Variants in LIPJ observed in about 807,000 individuals in gnomAD.
LIPJ encodes lipase family member J.
Under a neutral mutation model 39.8 loss-of-function variants are expected in LIPJ, and 33 were observed. That is an observed-to-expected ratio of 0.83 (90% CI 0.63 to 1.11). LIPJ has a LOEUF of 1.11. LIPJ is among the 50% of genes least tolerant of loss of function. The probability of loss-of-function intolerance (pLI) is 0.00; values close to 1 mark genes in which losing one functional copy is unlikely to be tolerated. For missense variants in LIPJ, 422 were observed against 427.9 expected (o/e 0.99, Z 0.12); for synonymous variants, 128 against 139.2 (o/e 0.92, Z 0.57).
chr10:88,622,593 G>C, the LIPJ span, among the ~76,000 whole-genome samples: 1 of 152,242 alleles, frequency 6.6e-6, no homozygotes, highest in South Asian at 2.1e-4. Flanking sequence ...CTGACCCAGG[G>C]ACCAGACTTT....
At chr10:88,610,741 C>T (rs184008243), downstream of LIPJ, among the ~76,000 whole-genome samples, 3 of 152,288 alleles carry the variant, frequency 2.0e-5, no homozygotes, top group Admixed American at 2.0e-4. Flanking sequence ...CCTATGTAGT[C>T]AGTTGATCTT....
At chr10:88,600,815 GA>G (rs1454120700) in intron 8 of LIPJ, among the ~76,000 whole-genome samples, 2 of 152,314 alleles carry the variant, frequency 1.3e-5, no homozygotes, top group East Asian at 3.9e-4. Flanking sequence ...TGGAGGCTGG[GA>G]AGTCCAAGAT....
At chr10:88,619,122 T>C in the LIPJ span, among the ~76,000 whole-genome samples, 1 of 151,380 alleles carries the variant, frequency 6.6e-6, no homozygotes, top group Non-Finnish European at 1.5e-5. Context: ...CATATATTAA[T>C]GATATAACCC....
intron 4 of LIPJ, chr10:88,592,109 A>C (rs1303244658): frequency 6.6e-6 from 1 of 151,950 alleles, no homozygotes; most frequent in Non-Finnish European, 1.5e-5. Flanking sequence ...TTCCTGAAAG[A>C]ATGTTTCTTT....
chr10:88,592,078 G>A (rs1223237940), intron 4 of LIPJ: 1 of 151,798 alleles, frequency 6.6e-6, no homozygotes, highest in African/African-American at 2.4e-5. Flanking sequence ...TAAAAGCCAA[G>A]TATTTTCTCC....
At chr10:88,586,235 C>A (rs1484868806), upstream of LIPJ, among the ~76,000 whole-genome samples, 2 of 152,130 alleles carry the variant, frequency 1.3e-5, no homozygotes, top group Admixed American at 6.5e-5. Context: ...CATTACGCCC[C>A]AACCTCCATG....
At chr10:88,606,678 C>G in exon 11 of LIPJ, 1 of 1,592,826 alleles carries the variant, frequency 6.3e-7, no homozygotes, top group Non-Finnish European at 8.6e-7. Flanking sequence ...TTTCAGACAA[C>G]GTCTCCATTA....
At chr10:88,618,560 C>T in the LIPJ span, 1 of 152,458 alleles carries the variant, frequency 6.6e-6, no homozygotes, top group South Asian at 2.1e-4. Flanking sequence ...AAAGCCTCAG[C>T]ATATTCATTG....
At chr10:88,609,338 G>T (rs896694219), downstream of LIPJ, among the ~76,000 whole-genome samples, 1 of 152,186 alleles carries the variant, frequency 6.6e-6, no homozygotes, top group Non-Finnish European at 1.5e-5. Context: ...ATAGTACTGA[G>T]AATAGATACA....
rs754958051 is a variant in LIPJ, at chr10:88,590,645, T to C, written c.-43T>C. ...TTATCCGAATTCTTGGAATTACTCA[T>C]GGTGTCTTTCAAAATTAAAGATCTG... On this transcript the variant is annotated 5_prime_UTR_variant, in exon 3 of 11. An upstream start codon of the reference 5' UTR is lost. Transcript: ENST00000371939. 22 of 1,520,300 alleles carry C rather than the reference T, an allele frequency of 1.4e-5. No homozygotes were observed. The highest frequency in any genetic ancestry group is 1.4e-4 in the South Asian group (12 of 88,438). 94.2% of individuals were successfully genotyped at this position (1,520,300 alleles called of 1,614,324 possible). A position where few individuals can be genotyped will look rare whatever the true frequency, so the allele number is the denominator to read the frequency against.
chr10:88,615,602 C>T, the LIPJ span, among the ~76,000 whole-genome samples: 1 of 136,530 alleles, frequency 7.3e-6, no homozygotes, highest in African/African-American at 2.8e-5. Context: ...CACTCCAGCT[C>T]CAGCAACAGT....
rs1673153903 is a variant in LIPJ, at chr10:88,596,519, T to G, written c.576+103T>G. 1.8e-5 allele frequency: 23 copies of G among 1,279,000 alleles called. 1 individual carries two copies. The South Asian group carries it at 3.9e-4, about 22-fold the overall frequency. The allele number at this position is 1,279,000 out of a possible 1,614,324, so 79.2% of individuals were successfully genotyped here. A position where few individuals can be genotyped will look rare whatever the true frequency, so the allele number is the denominator to read the frequency against. ...TACGTAGACAACCACAAGTATGGAT[T>G]GAAATTTTTGGTTTCATTTACACTA... On this transcript the variant is annotated intron_variant, in intron 7 of 10. Transcript: ENST00000371939.
the LIPJ span, among the ~76,000 whole-genome samples, chr10:88,613,263 G>A: frequency 6.6e-6 from 1 of 151,860 alleles, no homozygotes; most frequent in Non-Finnish European, 1.5e-5. Context: ...GAAGAATAGG[G>A]GCCTAGGTGA....
chr10:88,594,683 A>G, exon 6 of LIPJ: 2 of 1,529,404 alleles, frequency 1.3e-6, no homozygotes, highest in Non-Finnish European at 1.8e-6. Flanking sequence ...TGAGATGGCA[A>G]AATATGACCT....
At chr10:88,597,166 G>C (rs183624098) in intron 8 of LIPJ, among the ~76,000 whole-genome samples, 1 of 151,586 alleles carries the variant, frequency 6.6e-6, no homozygotes, top group Admixed American at 6.6e-5. Flanking sequence ...GTAAATATTC[G>C]AGAGCAGCTG....
chr10:88,583,595 T>C (rs1448309140), upstream of LIPJ: 13 of 999,276 alleles, frequency 1.3e-5, no homozygotes, highest in Non-Finnish European at 1.5e-5. Context: ...TTGGGATTTT[T>C]GCTGTTTTAC....
At chr10:88,605,694 A>C (rs1851642663) in exon 10 of LIPJ, 1 of 1,605,312 alleles carries the variant, frequency 6.2e-7, no homozygotes, top group Admixed American at 1.7e-5. Flanking sequence ...AACTTGGTTC[A>C]TTATAATCAG....
intron 8 of LIPJ, among the ~76,000 whole-genome samples, chr10:88,600,941 CTTATTTT>C (rs576115420): frequency 1.6e-3 from 242 of 152,002 alleles, no homozygotes; most frequent in African/African-American, 4.3e-3. Flanking sequence ...TTTATTTTAT[CTTATTTT>C]TTATTTTTTA....
intron 8 of LIPJ, among the ~76,000 whole-genome samples, chr10:88,602,226 C>T (rs1851509828): frequency 6.6e-6 from 1 of 151,950 alleles, no homozygotes; most frequent in African/African-American, 2.4e-5. Flanking sequence ...TTATTTCTCT[C>T]CTCAATTTAT....
Sources: gnomAD v4.1 joint callset for allele counts (sites outside exome capture counted in the v4.1 genomes callset) on GRCh38, gnomAD v4.1.1 for gene constraint, MANE v1.5 for transcripts, NCBI Gene and HGNC (gene_info 2026-07-23, HGNC 2026-07-21) for gene names.